PRKACB: variants seen among roughly 807,000 people sequenced by gnomAD.
The protein encoded by PRKACB is protein kinase cAMP-activated catalytic subunit beta.
Under a neutral mutation model 51.4 loss-of-function variants are expected in PRKACB, and 16 were observed. The ratio of observed to expected loss-of-function variants is 0.31; its 90% CI spans 0.21 to 0.47. The LOEUF is 0.47. PRKACB is among the 20% of genes least tolerant of loss of function. PRKACB has a pLI of 1.00. For synonymous variants in PRKACB, 147 were observed against 154.4 expected (o/e 0.95, Z 0.35); for missense variants, 309 against 464.5 (o/e 0.67, Z 3.08).
In PRKACB at chr1:84,179,162, T is replaced by C. The variant is rs1324533322; in HGVS notation, c.188-15T>C. The C allele has an allele frequency of 3.2e-6, 5 of 1,579,144 alleles. No individual in the cohort carries two copies. The highest frequency in any genetic ancestry group is 3.4e-6 in the Non-Finnish European group (4 of 1,162,410). On this transcript the variant is annotated splice_polypyrimidine_tract_variant and intron_variant, in intron 1 of 9. Coordinates refer to ENST00000370685, the MANE Select transcript of PRKACB (RefSeq NM_182948.4). Reference sequence around the variant, plus strand: ...TTCTTACAAGATAAATTTGTTTTTATATGTATATTTTCAGTGAAAGAGTTT... The same window carrying C: ...TTCTTACAAGATAAATTTGTTTTTACATGTATATTTTCAGTGAAAGAGTTT...
At chr1:84,214,569 T>C (rs577487031) in intron 9 of PRKACB, among the ~76,000 whole-genome samples, 3 of 150,492 alleles carry the variant, frequency 2.0e-5, no homozygotes, top group Admixed American at 6.7e-5. Flanking sequence ...CTCTGCTCAC[T>C]GCAACCTCCG....
At chr1:84,193,290 AT>A (rs1355410476) in intron 5 of PRKACB, among the ~76,000 whole-genome samples, 3 of 152,142 alleles carry the variant, frequency 2.0e-5, no homozygotes, top group Admixed American at 1.3e-4. Flanking sequence ...AAGGGCTCCA[AT>A]GGGGGTACTT....
chr1:84,204,269 T>C (rs998256175), intron 8 of PRKACB, among the ~76,000 whole-genome samples: 1 of 151,998 alleles, frequency 6.6e-6, no homozygotes, highest in African/African-American at 2.4e-5. Flanking sequence ...CTAAAGAATT[T>C]ATACTCCAAC....
At position 84,101,167 on chromosome 1, in the gene PRKACB, CTA is replaced by C. The variant is rs1485699966; in HGVS notation, c.46+22799_46+22800del. ...GTGGCTGGCTAGGTAAGTCTAAAAT[CTA>C]TAGGGCAATCTGCAATGAAGGGCAA... On this transcript the variant is annotated intron_variant, in intron 1 of 8. Coordinates refer to the PRKACB transcript ENST00000370688. Among the ~76,000 whole-genome samples the C allele has an allele frequency of 5.9e-5, 9 of 152,118 alleles. No individual in the cohort carries two copies. In the East Asian group the frequency reaches 1.2e-3, roughly 20 times the overall value.
upstream of PRKACB, among the ~76,000 whole-genome samples, chr1:84,140,944 G>A (rs1007693731): frequency 1.3e-5 from 2 of 152,004 alleles, no homozygotes; most frequent in Non-Finnish European, 2.9e-5. Flanking sequence ...TATTTGTAAG[G>A]ATCTCAGGTG....
intron 1 of PRKACB, among the ~76,000 whole-genome samples, chr1:84,154,492 A>G (rs746812457): frequency 6.6e-6 from 1 of 152,174 alleles, no homozygotes; most frequent in Non-Finnish European, 1.5e-5. Context: ...TCATTTAACA[A>G]AGAATTAATG....
At chr1:84,214,063 T>G in intron 8 of PRKACB, 90 bp from the exon 9 acceptor site, 1 of 1,327,848 alleles carries the variant, frequency 7.5e-7, no homozygotes, top group Non-Finnish European at 1.0e-6. Flanking sequence ...TATAATGGCT[T>G]GTTGCCTTGA....
intron 1 of PRKACB, among the ~76,000 whole-genome samples, chr1:84,105,703 G>A (rs528251062): frequency 6.6e-6 from 1 of 152,164 alleles, no homozygotes; most frequent in East Asian, 1.9e-4. Context: ...AGCCTCTTGA[G>A]TAGCTGGGAT....
At chr1:84,135,271 T>C (rs1313745192) in intron 1 of PRKACB, among the ~76,000 whole-genome samples, 1 of 152,138 alleles carries the variant, frequency 6.6e-6, no homozygotes, top group Non-Finnish European at 1.5e-5. Flanking sequence ...AGTATCAAAA[T>C]ACTTGAAGCA....
chr1:84,189,991 C>G (rs1345124869), intron 5 of PRKACB, among the ~76,000 whole-genome samples: 1 of 151,878 alleles, frequency 6.6e-6, no homozygotes, highest in African/African-American at 2.4e-5. Context: ...TAAGGTCCAT[C>G]CTTTCATTTT....
intron 9 of PRKACB, among the ~76,000 whole-genome samples, chr1:84,214,557 A>G (rs1672613923): frequency 6.6e-6 from 1 of 150,658 alleles, no homozygotes; most frequent in African/African-American, 2.5e-5. Context: ...CAGTGGCACA[A>G]TCTCTGCTCA....
chr1:84,078,775 C>G (rs1647293980), intron 1 of PRKACB, among the ~76,000 whole-genome samples: 1 of 151,818 alleles, frequency 6.6e-6, no homozygotes, highest in Non-Finnish European at 1.5e-5. Context: ...TGGCTCTTCT[C>G]CCTCCATCAC....
chr1:84,211,850 T>G (rs536283700), intron 8 of PRKACB, among the ~76,000 whole-genome samples: 2 of 152,264 alleles, frequency 1.3e-5, no homozygotes, highest in South Asian at 4.1e-4. Context: ...AGTAAACCAC[T>G]GTGTCAAGAA....
chr1:84,151,321 A>T (rs1654836149), intron 1 of PRKACB, among the ~76,000 whole-genome samples: 1 of 152,214 alleles, frequency 6.6e-6, no homozygotes. Flanking sequence ...ACTAATGATC[A>T]TCTCAGCTTT....
chr1:84,206,993 G>A (rs1029467086), intron 8 of PRKACB, among the ~76,000 whole-genome samples: 4 of 152,020 alleles, frequency 2.6e-5, no homozygotes, highest in Non-Finnish European at 4.4e-5. Context: ...ATGCTTTTGG[G>A]GAAATTACAA....
intron 9 of PRKACB, among the ~76,000 whole-genome samples, chr1:84,234,091 T>C (rs754854143): frequency 7.2e-4 from 109 of 151,612 alleles, no homozygotes; most frequent in Non-Finnish European, 1.2e-3. Flanking sequence ...GATGGGTTTT[T>C]GGTGTGGATG....
chr1:84,172,162 C>T (rs955444073), intron 1 of PRKACB, among the ~76,000 whole-genome samples: 1 of 151,520 alleles, frequency 6.6e-6, no homozygotes, highest in Non-Finnish European at 1.5e-5. Context: ...TTTACTGAGT[C>T]ATTTGTTACT....
intron 1 of PRKACB, among the ~76,000 whole-genome samples, chr1:84,080,425 TAGTC>T (rs1488091036): frequency 4.6e-5 from 7 of 152,356 alleles, no homozygotes; most frequent in East Asian, 1.9e-4. Flanking sequence ...TTAAGTATGT[TAGTC>T]AGCTTTTTGT....
chr1:84,213,060 C>G (rs925177639), intron 8 of PRKACB, among the ~76,000 whole-genome samples: 1 of 152,080 alleles, frequency 6.6e-6, no homozygotes, highest in Non-Finnish European at 1.5e-5. Context: ...AATAAGAATG[C>G]AGAGAGTTTG....
Sources: gnomAD v4.1 joint callset for allele counts (sites outside exome capture counted in the v4.1 genomes callset) on GRCh38, gnomAD v4.1.1 for gene constraint, MANE v1.5 for transcripts, NCBI Gene and HGNC (gene_info 2026-07-23, HGNC 2026-07-21) for gene names.